Variants in PHIP observed in about 807,000 individuals in gnomAD.
PHIP encodes PHIP subunit of CUL4-Ring ligase complex.
A neutral mutation model predicts 236.8 loss-of-function variants in PHIP; 54 were observed. That is an observed-to-expected ratio of 0.23 (90% confidence interval 0.18 to 0.29). The LOEUF is 0.29. Ranked by LOEUF, PHIP falls within the 10% of genes least tolerant of loss-of-function variation. The pLI is 1.00. For missense variants in PHIP, 1,370 were observed against 2,190.8 expected, an observed-to-expected ratio of 0.63 and a Z score of 7.48; for synonymous variants, 756 against 718.9, an observed-to-expected ratio of 1.05 and a Z score of -0.83.
intron 4 of PHIP, among the ~76,000 whole-genome samples, chr6:79,071,253 C>T (rs553777401): frequency 6.6e-6 from 1 of 152,192 alleles, no homozygotes; most frequent in Non-Finnish European, 1.5e-5. Flanking sequence ...ACATTCATCA[C>T]TATTCAATAA....
intron 29 of PHIP, among the ~76,000 whole-genome samples, chr6:78,964,975 T>C (rs966057286): frequency 2.0e-5 from 3 of 152,246 alleles, no homozygotes; most frequent in Middle Eastern, 6.8e-3. Context: ...AAATGGGCAA[T>C]GAAGTGGAAA....
chr6:78,975,772 C>T (rs1768008420), intron 24 of PHIP, among the ~76,000 whole-genome samples: 1 of 151,760 alleles, frequency 6.6e-6, no homozygotes, highest in South Asian at 2.1e-4. Context: ...CTCCCATTCA[C>T]AATTGCTTCA....
At chr6:79,058,913 T>C (rs1773209342) in intron 6 of PHIP, among the ~76,000 whole-genome samples, 1 of 152,114 alleles carries the variant, frequency 6.6e-6, no homozygotes, top group African/African-American at 2.4e-5. Context: ...TAATATTTTA[T>C]CTTTCCCTTC....
chr6:79,015,067 G>A lies in PHIP; in HGVS notation c.1524+15C>T. On this transcript the variant is annotated intron_variant, in intron 15 of 39. Transcript: ENST00000275034. ...AAATCTTTAGTAGGTATAAAATGAA[G>A]AGAATGATAATTACCATATTGAAAT... The A allele has an allele frequency of 6.2e-7, 1 of 1,602,990 alleles. No homozygotes were observed. Among genetic ancestry groups the A allele is most frequent in the Non-Finnish European group, 8.5e-7 (1 of 1,171,186 alleles).
chr6:78,983,186 A>G (rs558352324), intron 22 of PHIP, 69 bp from the exon 23 acceptor site: 49 of 786,618 alleles, frequency 6.2e-5, no homozygotes, highest in Non-Finnish European at 9.1e-5. Context: ...TATAAAAACG[A>G]AAAGAAAGAT....
chr6:78,972,573 T>C (rs995810925), intron 24 of PHIP, among the ~76,000 whole-genome samples: 2 of 151,944 alleles, frequency 1.3e-5, no homozygotes, highest in Non-Finnish European at 2.9e-5. Context: ...GACGATCAAA[T>C]TACTCTGAGC....
intron 14 of PHIP, 112 bp from the exon 15 acceptor site, chr6:79,015,328 T>C: frequency 2.3e-6 from 2 of 876,586 alleles, no homozygotes; most frequent in Non-Finnish European, 3.5e-6. Flanking sequence ...TTAAGAAGTA[T>C]TAAATTGGCA....
chr6:79,017,531 A>C lies in PHIP; in HGVS notation c.1047T>G (p.Phe349Leu). 1.9e-6 allele frequency: 3 copies of C among 1,612,418 alleles called. No homozygotes were observed. Among genetic ancestry groups the C allele is most frequent in the Non-Finnish European group, 2.5e-6 (3 of 1,178,810 alleles). ...GSTDHIIRVY[F>L]FGSGQPEKIS... is the part of the protein sequence containing the mutation. ...TTTTCTCTGGCTGACCTGATCCAAA[A>C]AAATAAACCCGAATAATATGATCTG... is the stretch of plus-strand genomic sequence containing the variant. Residue 349 changes from phenylalanine (F) to leucine (L), a missense_variant, in exon 11 of 40, where the codon TTT (phenylalanine) becomes TTG (leucine). Around this residue, in one of 14 missense-constraint regions of PHIP, gnomAD observed 188 missense variants for 354.3 expected, o/e 0.53. Transcript: ENST00000275034.
intron 19 of PHIP, among the ~76,000 whole-genome samples, chr6:78,992,711 T>C (rs1303804140): frequency 6.6e-6 from 1 of 152,182 alleles, no homozygotes; most frequent in Non-Finnish European, 1.5e-5. Context: ...TATAGAACAA[T>C]GAACTTAACT....
At chr6:78,945,175 A>G (rs1773733851) in intron 39 of PHIP, 125 bp downstream of exon 39, 1 of 686,460 alleles carries the variant, frequency 1.5e-6, no homozygotes. Flanking sequence ...TAAATTTATC[A>G]ACTAATACAG....
At chr6:78,976,839 C>G (rs1428160660) in intron 24 of PHIP, among the ~76,000 whole-genome samples, 1 of 123,718 alleles carries the variant, frequency 8.1e-6, no homozygotes, top group Non-Finnish European at 1.7e-5. Context: ...CCATCTCACA[C>G]CAGTTAGAAT....
At chr6:79,046,903 T>TA (rs747732821) in intron 6 of PHIP, among the ~76,000 whole-genome samples, 1,835 of 109,544 alleles carry the variant, frequency 0.017, 16 homozygotes, top group African/African-American at 0.033. Context: ...GTTTAAGAAT[T>TA]AAAAAAAAAA....
intron 12 of PHIP, among the ~76,000 whole-genome samples, 159 bp from the exon 13 acceptor site, chr6:79,016,801 G>A (rs939074889): frequency 7.2e-5 from 11 of 151,730 alleles, no homozygotes; most frequent in African/African-American, 2.7e-4. Flanking sequence ...AATTTTATAT[G>A]CAAACATTCC....
At chr6:78,970,733 T>A (rs1342192146) in intron 25 of PHIP, 48 bp downstream of exon 25, 11 of 1,212,756 alleles carry the variant, frequency 9.1e-6, no homozygotes, top group Non-Finnish European at 1.3e-5. Context: ...TTCTCCAAAT[T>A]CCATAATTGT....
intron 9 of PHIP, among the ~76,000 whole-genome samples, chr6:79,021,752 G>A (rs1398691972): frequency 6.6e-6 from 1 of 152,200 alleles, no homozygotes; most frequent in African/African-American, 2.4e-5. Context: ...GAGGAGGGAG[G>A]TGGGGATGGT....
chr6:78,966,054 C>T lies in PHIP; in HGVS notation c.3208G>A (p.Asp1070Asn), dbSNP rs772921586. 8 of 1,604,806 alleles carry T rather than the reference C, an allele frequency of 5.0e-6. No individual in the cohort carries two copies. The highest frequency in any genetic ancestry group is 6.8e-6 in the Non-Finnish European group (8 of 1,171,780). The part of the protein sequence containing the change: ...DAKYRRWNIG[D>N]RFRSVIDDAW... The stretch of plus-strand genomic sequence containing the variant: ...TCATCTATGACAGACCTGAAGCGGT[C>T]ACCTGGCCAAGAACAAAAACTAACT... Residue 1070 changes from aspartate to asparagine, a missense_variant and splice_region_variant, in exon 28 of 40, where the codon GAC becomes AAC. Physicochemically the swap from Asp to Asn is conservative, Grantham distance 23. Transcript: ENST00000275034.
At chr6:79,014,564 G>A (rs1309034372) in intron 15 of PHIP, among the ~76,000 whole-genome samples, 1 of 151,610 alleles carries the variant, frequency 6.6e-6, no homozygotes, top group African/African-American at 2.4e-5. Context: ...TCAAATACTT[G>A]GCCAATTATG....
chr6:78,997,690 A>C, intron 18 of PHIP, 93 bp from the exon 19 acceptor site: 1 of 997,148 alleles, frequency 1.0e-6, no homozygotes, highest in Non-Finnish European at 1.5e-6. Context: ...ATCTTCCATA[A>C]GAAACTTCAT....
intron 15 of PHIP, among the ~76,000 whole-genome samples, chr6:79,005,967 A>G (rs1274831874): frequency 6.6e-6 from 1 of 152,002 alleles, no homozygotes; most frequent in Non-Finnish European, 1.5e-5. Flanking sequence ...AATAGCAATC[A>G]TATTTAAGAT....
Sources: allele counts gnomAD v4.1 joint callset (sites outside exome capture counted in the v4.1 genomes callset), GRCh38; gene constraint gnomAD v4.1.1; regional missense constraint gnomAD v4.1.1; transcripts MANE v1.5; gene names NCBI Gene and HGNC (gene_info 2026-07-23, HGNC 2026-07-21).